KIAA1549L: variants seen among roughly 807,000 people sequenced by gnomAD.
KIAA1549L encodes KIAA1549 like.
In KIAA1549L, 88 loss-of-function variants were observed where a neutral mutation model predicts 160.7. That is an observed-to-expected ratio of 0.55 (90% confidence interval 0.46 to 0.65). The LOEUF is 0.65. KIAA1549L is among the 30% of genes least tolerant of loss of function. The pLI, the probability that KIAA1549L is intolerant of heterozygous loss-of-function variation, is 0.00. For synonymous variants in KIAA1549L, 950 were observed against 976.7 expected (o/e 0.97, Z 0.51); for missense variants, 2,258 against 2,437.5 (o/e 0.93, Z 1.55).
chr11:33,435,818 G>GTGTGTGTGTGTATATATA (rs1554976830), intron 1 of KIAA1549L, among the ~76,000 whole-genome samples: 11 of 45,314 alleles, frequency 2.4e-4, no homozygotes, highest in South Asian at 9.2e-4. Flanking sequence ...ATATGTGTGT[G>GTGTGTGTGTGTATATATA]TATATATATA....
chr11:33,670,454 C>T lies in KIAA1549L; in HGVS notation c.*2300C>T, dbSNP rs1852635229. Reference sequence around the variant, plus strand: ...CCCCAGGAAATACTGAGTGAGTCAACTGAGACGACTAAAAAGATAGCATGC... The same window carrying T: ...CCCCAGGAAATACTGAGTGAGTCAATTGAGACGACTAAAAAGATAGCATGC... On this transcript the variant is annotated 3_prime_UTR_variant, in exon 21 of 21. Transcript: ENST00000658780. The T allele has an allele frequency of 6.6e-6, 1 of 152,186 alleles. No individual in the cohort carries two copies. The highest frequency in any genetic ancestry group is 2.4e-5 in the African/African-American group (1 of 41,442). 9.4% of individuals were successfully genotyped at this position (152,186 alleles called of 1,614,324 possible).
At chr11:33,646,619 G>T (rs967235218) in intron 17 of KIAA1549L, among the ~76,000 whole-genome samples, 1 of 152,160 alleles carries the variant, frequency 6.6e-6, no homozygotes, top group African/African-American at 2.4e-5. Context: ...TATCATAAAA[G>T]ACTCTGCAAA....
At chr11:33,457,805 T>C (rs2615911) in intron 1 of KIAA1549L, among the ~76,000 whole-genome samples, 81,775 of 151,960 alleles carry the variant, frequency 0.54, 22,307 homozygotes, top group Middle Eastern at 0.56. Context: ...CTGAGTGGTA[T>C]CATCCTTAGA....
chr11:33,517,014 C>T (rs905162866), intron 1 of KIAA1549L, among the ~76,000 whole-genome samples: 7 of 152,164 alleles, frequency 4.6e-5, no homozygotes, highest in African/African-American at 1.4e-4. Context: ...CTTCAATTCA[C>T]GTTTCTCATT....
intron 1 of KIAA1549L, among the ~76,000 whole-genome samples, chr11:33,518,138 CAAAAAAAAAA>C (rs560876643): frequency 5.9e-4 from 35 of 59,412 alleles, no homozygotes; most frequent in African/African-American, 1.0e-3. Flanking sequence ...GACTCTGTCT[CAAAAAAAAAA>C]AAAAAAAAAA....
intron 1 of KIAA1549L, among the ~76,000 whole-genome samples, chr11:33,479,817 A>G (rs1565153177): frequency 1.3e-5 from 2 of 152,176 alleles, no homozygotes; most frequent in Non-Finnish European, 2.9e-5. Context: ...AGGGAAGAAA[A>G]GAAAGAAGAA....
rs1009209140 is a variant in KIAA1549L at position 33,376,524 on chromosome 11, C to CTCGGCGCCCCCTCCCT, written c.-127_-112dup. ...CAGGACGAGCGAGCCAGTCGCGCCG[C>CTCGGCGCCCCCTCCCT]TCGGCGCCCCCTCCCTCCGGCGCCC... On this transcript the variant is annotated 5_prime_UTR_variant, in exon 1 of 21. Coordinates refer to ENST00000658780, the MANE Select transcript of KIAA1549L (RefSeq NM_012194.3). This position sits in a 1 kb window ranked among gnomAD's most constrained non-coding sequence, Gnocchi z 5.8. The CTCGGCGCCCCCTCCCT allele has an allele frequency of 6.7e-6, 1 of 148,496 alleles. No individual in the cohort carries two copies. Among genetic ancestry groups the CTCGGCGCCCCCTCCCT allele is most frequent in the African/African-American group, 2.4e-5 (1 of 40,970 alleles). 9.2% of individuals were successfully genotyped at this position (148,496 alleles called of 1,614,324 possible). A position where few individuals can be genotyped will look rare whatever the true frequency, so the allele number is the denominator to read the frequency against.
chr11:33,638,122 T>C (rs140977812), intron 16 of KIAA1549L, among the ~76,000 whole-genome samples: 3 of 152,262 alleles, frequency 2.0e-5, no homozygotes, highest in East Asian at 3.9e-4. Flanking sequence ...AAAATTGACA[T>C]ATGGTAAAAA....
At chr11:33,541,538 AT>A (rs1461695196) in intron 1 of KIAA1549L, among the ~76,000 whole-genome samples, 1 of 152,190 alleles carries the variant, frequency 6.6e-6, no homozygotes, top group African/African-American at 2.4e-5. Context: ...TACCAAAACA[AT>A]TTTTTAATAC....
intron 8 of KIAA1549L, among the ~76,000 whole-genome samples, chr11:33,566,645 T>C (rs548428821): frequency 8.3e-4 from 127 of 152,378 alleles, no homozygotes; most frequent in African/African-American, 2.9e-3. Flanking sequence ...CTTTTCTTTC[T>C]CGCTTGATCT....
chr11:33,482,353 G>C (rs1852428012), intron 1 of KIAA1549L, among the ~76,000 whole-genome samples: 1 of 151,734 alleles, frequency 6.6e-6, no homozygotes, highest in Non-Finnish European at 1.5e-5. Flanking sequence ...CTAGAGCTAG[G>C]TTAAATAGAG....
At chr11:33,590,318 G>A (rs1565200906) in intron 11 of KIAA1549L, among the ~76,000 whole-genome samples, 2 of 152,282 alleles carry the variant, frequency 1.3e-5, no homozygotes, top group East Asian at 3.9e-4. Context: ...GACGGAGTCG[G>A]GATTTGAACC....
intron 1 of KIAA1549L, among the ~76,000 whole-genome samples, chr11:33,474,934 C>T (rs994576606): frequency 6.6e-6 from 1 of 152,134 alleles, no homozygotes; most frequent in Admixed American, 6.6e-5. Flanking sequence ...AGGAGGGCTG[C>T]AATATTTTAA....
intron 1 of KIAA1549L, among the ~76,000 whole-genome samples, chr11:33,512,165 A>T (rs1026537097): frequency 1.3e-5 from 2 of 152,168 alleles, no homozygotes; most frequent in Admixed American, 6.5e-5. Flanking sequence ...TATGTGGGAG[A>T]CATTTTTATT....
In KIAA1549L at chr11:33,673,698, G is replaced by A. The variant is rs1459865434; in HGVS notation, c.*5544G>A. 1 of 152,160 alleles carries A rather than the reference G, an allele frequency of 6.6e-6. No individual in the cohort carries two copies. Among genetic ancestry groups the A allele is most frequent in the Non-Finnish European group, 1.5e-5 (1 of 68,024 alleles). 9.4% of individuals were successfully genotyped at this position (152,160 alleles called of 1,614,324 possible). A position where few individuals can be genotyped will look rare whatever the true frequency, so the allele number is the denominator to read the frequency against. The stretch of plus-strand genomic sequence containing the variant: ...CGGTTTTATCCAGGAAAATATTTTA[G>A]CTCCTCCTATCTGCTGAATTAATTT... On this transcript the variant is annotated 3_prime_UTR_variant, in exon 21 of 21. Coordinates refer to ENST00000658780, the MANE Select transcript of KIAA1549L (RefSeq NM_012194.3).
intron 1 of KIAA1549L, among the ~76,000 whole-genome samples, chr11:33,440,926 T>A (rs77674214): frequency 7.3e-4 from 111 of 152,182 alleles, no homozygotes; most frequent in African/African-American, 2.4e-3. Context: ...CTTTTTTTTT[T>A]ATTATTATTA....
Position 33,617,153 on chromosome 11 carries a change from A to G in KIAA1549L, c.5280-1380A>G, listed in dbSNP as rs548067838. On this transcript the variant is annotated intron_variant, in intron 15 of 20. Coordinates refer to ENST00000658780, the MANE Select transcript of KIAA1549L (RefSeq NM_012194.3). Reference sequence around the variant, plus strand: ...TCTATCAAAAAAAAAAAAAAAAAGGAATGTTTGGAGAGTTTTCTGAAGATA... The same window carrying G: ...TCTATCAAAAAAAAAAAAAAAAAGGGATGTTTGGAGAGTTTTCTGAAGATA... Among the ~76,000 whole-genome samples the G allele has an allele frequency of 2.2e-3, 336 of 149,984 alleles. 4 individuals carry two copies. Among genetic ancestry groups the G allele is most frequent in the African/African-American group, 8.0e-3 (326 of 40,840 alleles).
chr11:33,672,333 A>T lies in KIAA1549L; in HGVS notation c.*4179A>T, dbSNP rs956912654. 6.6e-6 allele frequency: 1 copy of T among 152,322 alleles called. No individual in the cohort carries two copies. Among genetic ancestry groups the T allele is most frequent in the Non-Finnish European group, 1.5e-5 (1 of 68,168 alleles). 9.4% of individuals were successfully genotyped at this position (152,322 alleles called of 1,614,324 possible). A position where few individuals can be genotyped will look rare whatever the true frequency, so the allele number is the denominator to read the frequency against. On this transcript the variant is annotated 3_prime_UTR_variant, in exon 21 of 21. Transcript: ENST00000658780. ...CAGTACCCACCACGCTCTGACTAGC[A>T]TCTCTGTGATGCCTAAGGCAAATTT...
At chr11:33,651,842 C>T (rs1193456521) in intron 17 of KIAA1549L, among the ~76,000 whole-genome samples, 1 of 98,858 alleles carries the variant, frequency 1.0e-5, no homozygotes, top group Non-Finnish European at 2.0e-5. Context: ...CTGTGGTCCC[C>T]TCCCCCTCCC....
Sources: gnomAD v4.1 joint callset for allele counts (sites outside exome capture counted in the v4.1 genomes callset) on GRCh38, gnomAD v4.1.1 for gene constraint, Gnocchi (gnomAD v3.1) non-coding constraint, MANE v1.5 for transcripts, NCBI Gene and HGNC (gene_info 2026-07-23, HGNC 2026-07-21) for gene names.